The following COL19A1 variants were observed in gnomAD, a reference collection of about 807,000 sequenced individuals.
COL19A1 encodes the protein collagen type XIX alpha 1 chain.
A neutral mutation model predicts 190.2 loss-of-function variants in COL19A1; 159 were observed. The ratio of observed to expected loss-of-function variants is 0.84; its 90% CI spans 0.73 to 0.95. COL19A1 has a LOEUF of 0.95. Ranked by LOEUF, COL19A1 falls within the 40% of genes least tolerant of loss-of-function variation. The pLI is 0.00. For synonymous variants in COL19A1, 509 were observed against 458.9 expected (o/e 1.11, Z -1.39); for missense variants, 1,418 against 1,431.9 (o/e 0.99, Z 0.16).
intron 19 of COL19A1, among the ~76,000 whole-genome samples, chr6:70,139,825 G>A (rs928597825): frequency 1.3e-5 from 2 of 152,010 alleles, no homozygotes; most frequent in African/African-American, 4.8e-5. Flanking sequence ...GATAAAGAAA[G>A]GGGAGCTCTA....
chr6:69,977,096 A>G (rs2150060996), intron 11 of COL19A1, among the ~76,000 whole-genome samples: 1 of 152,352 alleles, frequency 6.6e-6, no homozygotes, highest in South Asian at 2.1e-4. Context: ...TCATGCTGCT[A>G]TAAAGACACA....
intron 34 of COL19A1, among the ~76,000 whole-genome samples, chr6:70,159,604 T>A (rs573646194): frequency 6.6e-6 from 1 of 152,126 alleles, no homozygotes; most frequent in South Asian, 2.1e-4. Context: ...AGACCTGAAG[T>A]AACACATGAT....
chr6:69,929,155 TACAC>T (rs141935825), intron 5 of COL19A1, among the ~76,000 whole-genome samples: 65 of 148,640 alleles, frequency 4.4e-4, no homozygotes, highest in Middle Eastern at 3.4e-3. Flanking sequence ...TTAAAATAAC[TACAC>T]ACACACACAC....
chr6:69,880,222 A>G (rs1231708550), intron 2 of COL19A1, among the ~76,000 whole-genome samples: 1 of 152,242 alleles, frequency 6.6e-6, no homozygotes, highest in African/African-American at 2.4e-5. Flanking sequence ...TATTTCCAAA[A>G]GGCTTAAGGG....
At chr6:70,002,698 G>A (rs796454805) in intron 11 of COL19A1, among the ~76,000 whole-genome samples, 17 of 150,816 alleles carry the variant, frequency 1.1e-4, no homozygotes, top group African/African-American at 3.6e-4. Flanking sequence ...TATTTCTGTG[G>A]GGGTCAGTGG....
chr6:69,959,209 C>T (rs1774618059), intron 9 of COL19A1, among the ~76,000 whole-genome samples: 1 of 152,152 alleles, frequency 6.6e-6, no homozygotes, highest in Non-Finnish European at 1.5e-5. Flanking sequence ...AGCCATCTGT[C>T]TTTTTACCCA....
intron 48 of COL19A1, among the ~76,000 whole-genome samples, chr6:70,196,169 A>G (rs1767183532): frequency 2.0e-5 from 3 of 152,238 alleles, no homozygotes; most frequent in South Asian, 4.1e-4. Context: ...AATTATTAAA[A>G]TATCACAGGA....
intron 31 of COL19A1, among the ~76,000 whole-genome samples, chr6:70,152,926 A>C (rs1338731786): frequency 6.6e-6 from 1 of 152,162 alleles, no homozygotes; most frequent in Non-Finnish European, 1.5e-5. Flanking sequence ...AAGGACCATG[A>C]ATAGGCTCTG....
chr6:70,204,721 A>G (rs545749315), intron 49 of COL19A1, among the ~76,000 whole-genome samples: 2 of 152,312 alleles, frequency 1.3e-5, no homozygotes, highest in South Asian at 2.1e-4. Flanking sequence ...TCCTCTTATT[A>G]ATCAAAAGTT....
chr6:69,869,181 GC>G (rs1767668795), intron 1 of COL19A1, among the ~76,000 whole-genome samples: 1 of 152,176 alleles, frequency 6.6e-6, no homozygotes, highest in South Asian at 2.1e-4. Context: ...AGAAGAAATT[GC>G]ATGTGTGAAG....
At position 70,188,254 on chromosome 6, in the gene COL19A1, TG is replaced by T. The variant is rs1312438029; in HGVS notation, c.3027+10del. Reference sequence around the variant, plus strand: ...GCATCCCTGGCATTCCGGTAAGTAGTGCTAAGACGCTTTAGGGCTCCTGGCT... The same window carrying T: ...GCATCCCTGGCATTCCGGTAAGTAGTCTAAGACGCTTTAGGGCTCCTGGCT... On this transcript the variant is annotated intron_variant, in intron 47 of 50. Transcript: ENST00000620364. The T allele has an allele frequency of 6.3e-7, 1 of 1,597,390 alleles. No individual in the cohort carries two copies. The highest frequency in any genetic ancestry group is 1.8e-4 in the Middle Eastern group (1 of 5,426).
intron 11 of COL19A1, among the ~76,000 whole-genome samples, chr6:70,021,055 G>A (rs1778388493): frequency 6.6e-6 from 1 of 152,040 alleles, no homozygotes; most frequent in Non-Finnish European, 1.5e-5. Context: ...CCTGGTTTGA[G>A]CACATAATAA....
Position 70,144,944 on chromosome 6 carries a change from T to C in COL19A1, c.1707T>C (p.Pro569=), listed in dbSNP as rs1157755572. The change falls in exon 25 of 51, where the codon CCT becomes CCC. Residue 569 remains proline (P), a synonymous_variant. Transcript: ENST00000620364. Reference sequence around the variant, plus strand: ...GAGATCCGGGTGGGATCATAGGCCCTCCCGGGCTTCCAGGTCCAAAAGGTG... The same window carrying C: ...GAGATCCGGGTGGGATCATAGGCCCCCCCGGGCTTCCAGGTCCAAAAGGTG... ...EKGDPGGIIG[P]PGLPGPKGEA... is the part of the protein sequence containing the mutation. 3.2e-6 allele frequency: 5 copies of C among 1,587,166 alleles called. No homozygotes were observed. The highest frequency in any genetic ancestry group is 3.4e-6 in the Non-Finnish European group (4 of 1,164,870).
chr6:69,969,684 G>A (rs1013166941), intron 11 of COL19A1, among the ~76,000 whole-genome samples: 4 of 152,144 alleles, frequency 2.6e-5, no homozygotes, highest in African/African-American at 9.7e-5. Context: ...GAGGATATAT[G>A]CAAATACTAC....
At chr6:70,109,002 T>C (rs757952190) in intron 16 of COL19A1, among the ~76,000 whole-genome samples, 20 of 152,138 alleles carry the variant, frequency 1.3e-4, no homozygotes, top group Non-Finnish European at 2.6e-4. Flanking sequence ...TTAATCACTA[T>C]TACAAACATT....
At chr6:70,027,179 A>G (rs1277423672) in intron 12 of COL19A1, among the ~76,000 whole-genome samples, 5 of 152,222 alleles carry the variant, frequency 3.3e-5, no homozygotes, top group African/African-American at 1.2e-4. Flanking sequence ...AAGTCAGAGT[A>G]TATTGGAATG....
chr6:70,001,269 T>C (rs751688516), intron 11 of COL19A1, among the ~76,000 whole-genome samples: 1 of 152,218 alleles, frequency 6.6e-6, no homozygotes, highest in Non-Finnish European at 1.5e-5. Flanking sequence ...TTGGTTACTG[T>C]AGCTTTGTAG....
Position 70,188,177 on chromosome 6 carries a change from A to G in COL19A1, c.2959A>G (p.Asn987Asp). 1 of 1,613,772 alleles carries G rather than the reference A, an allele frequency of 6.2e-7. No homozygotes were observed. Among genetic ancestry groups the G allele is most frequent in the Non-Finnish European group, 8.5e-7 (1 of 1,179,830 alleles). Residue 987 changes from asparagine (N) to aspartate (D), a missense_variant, in exon 47 of 51, where the codon AAC becomes GAC. By Grantham distance (23) the Asn-to-Asp change is conservative (BLOSUM62 1). Transcript: ENST00000620364. ...GAIGPMGPPG[N>D]KGSMGSPGHQ... ...CATCGGTCCTATGGGTCCACCAGGA[A>G]ACAAGGGCTCCATGGGATCCCCTGG...
intron 11 of COL19A1, among the ~76,000 whole-genome samples, chr6:69,999,867 T>A (rs2150082946): frequency 6.6e-6 from 1 of 152,310 alleles, no homozygotes; most frequent in African/African-American, 2.4e-5. Flanking sequence ...ATATATGTAT[T>A]TTTTTAATTT....
Sources: allele counts gnomAD v4.1 joint callset (sites outside exome capture counted in the v4.1 genomes callset), GRCh38; gene constraint gnomAD v4.1.1; transcripts MANE v1.5; gene names NCBI Gene and HGNC (gene_info 2026-07-23, HGNC 2026-07-21).